Variants in MRPL19 observed in about 807,000 individuals in gnomAD.
MRPL19 encodes the protein large ribosomal subunit protein bL19m.
MRPL19 carries 31 observed loss-of-function variants against 34.0 expected under a neutral mutation model. That is an observed-to-expected ratio of 0.91 (90% CI 0.68 to 1.23). The LOEUF (loss-of-function observed/expected upper bound fraction) is 1.23, where lower values mean the gene tolerates loss of function less well. Ranked by LOEUF, MRPL19 falls within the 50% of genes most tolerant of loss-of-function variation. The pLI is 0.00. For missense variants in MRPL19, 384 were observed against 367.6 expected (o/e 1.04, Z -0.37); for synonymous variants, 152 against 127.7 (o/e 1.19, Z -1.28).
At chr2:75,651,436 C>T (rs1032072696) in intron 2 of MRPL19, 1 of 536,858 alleles carries the variant, frequency 1.9e-6, no homozygotes, top group East Asian at 5.4e-5. Context: ...GTCCTCTGGA[C>T]TCATCATTGC....
At position 75,652,219 on chromosome 2, in the gene MRPL19, T is replaced by C; in HGVS notation, c.299T>C (p.Leu100Ser). Residue 100 changes from leucine to serine, a missense_variant, in exon 3 of 6, where the codon TTA (leucine) becomes TCA (serine). Leu to Ser is a moderately radical substitution (Grantham distance 145, BLOSUM62 -2). Coordinates refer to ENST00000393909, the MANE Select transcript of MRPL19 (RefSeq NM_014763.4). The stretch of plus-strand genomic sequence containing the variant: ...TTTCAAATAGAAAGAAAAGATATGT[T>C]AGAAAGGAGAAAAGTACTCCACATT... ...LKFQIERKDMLERRKVLHIPE... is the reference protein window; with the variant it reads ...LKFQIERKDMSERRKVLHIPE... 6.2e-7 allele frequency: 1 copy of C among 1,603,380 alleles called. No individual in the cohort carries two copies. Among genetic ancestry groups the C allele is most frequent in the Non-Finnish European group, 8.5e-7 (1 of 1,173,356 alleles).
chr2:75,656,191 A>G lies in MRPL19; in HGVS notation c.*906A>G, dbSNP rs953088526. On this transcript the variant is annotated 3_prime_UTR_variant, in exon 6 of 6. Transcript: ENST00000393909. ...AAACTCTGTATCTTAGGATTAGGTT[A>G]AAACAATACCTTTGGTATGATATGA... is the stretch of plus-strand genomic sequence containing the variant. The G allele has an allele frequency of 6.6e-6, 1 of 152,232 alleles. No homozygotes were observed. Among genetic ancestry groups the G allele is most frequent in the Non-Finnish European group, 1.5e-5 (1 of 68,036 alleles). The allele number at this position is 152,232 out of a possible 1,614,324, so 9.4% of individuals were successfully genotyped here.
At position 75,655,355 on chromosome 2, in the gene MRPL19, T is replaced by C. The variant is rs1040664152; in HGVS notation, c.*70T>C. On this transcript the variant is annotated 3_prime_UTR_variant, in exon 6 of 6. Coordinates refer to ENST00000393909, the MANE Select transcript of MRPL19 (RefSeq NM_014763.4). ...AAGAGGATATATTTTGAGACCAATT[T>C]AATTTCATTTATAAGAACATAGTAA... is the stretch of plus-strand genomic sequence containing the variant. The C allele has an allele frequency of 1.0e-5, 11 of 1,092,696 alleles. No homozygotes were observed. Among genetic ancestry groups the C allele is most frequent in the Non-Finnish European group, 1.5e-5 (11 of 748,878 alleles). The allele number at this position is 1,092,696 out of a possible 1,614,324, so 67.7% of individuals were successfully genotyped here.
chr2:75,654,683 A>G lies in MRPL19; in HGVS notation c.476-53A>G. 3.3e-6 allele frequency: 5 copies of G among 1,534,282 alleles called. No individual in the cohort carries two copies. In the South Asian group the frequency reaches 6.0e-5, roughly 19 times the overall value. On this transcript the variant is annotated intron_variant, in intron 4 of 5. Transcript: ENST00000393909. ...AAATGCTTTTACTGCAGTATGAAAC[A>G]TGTATAGGAACGTGGACTTAGATTG...
Position 75,655,516 on chromosome 2 carries a change from T to C in MRPL19, c.*231T>C. 1 of 403,438 alleles carries C rather than the reference T, an allele frequency of 2.5e-6. No individual in the cohort carries two copies. The highest frequency in any genetic ancestry group is 4.4e-6 in the Non-Finnish European group (1 of 227,292). The allele number at this position is 403,438 out of a possible 1,614,324, so 25.0% of individuals were successfully genotyped here. A position where few individuals can be genotyped will look rare whatever the true frequency, so the allele number is the denominator to read the frequency against. On this transcript the variant is annotated 3_prime_UTR_variant, in exon 6 of 6. Coordinates refer to ENST00000393909, the MANE Select transcript of MRPL19 (RefSeq NM_014763.4). Reference sequence around the variant, plus strand: ...TCCATTTGCTTATTGGAGGCAAAGCTACAATAGAAGTCAGAGCATCACCAG... The same window carrying C: ...TCCATTTGCTTATTGGAGGCAAAGCCACAATAGAAGTCAGAGCATCACCAG...
At chr2:75,649,323 C>T (rs1678282584) in intron 2 of MRPL19, among the ~76,000 whole-genome samples, 2 of 152,142 alleles carry the variant, frequency 1.3e-5, no homozygotes, top group African/African-American at 4.8e-5. Context: ...TGTATTAGAC[C>T]AAGCTTGTCC....
In MRPL19 at chr2:75,658,462, T is replaced by C. The variant is rs1026285107; in HGVS notation, c.*3177T>C. Among the ~76,000 whole-genome samples, 1 of 152,200 alleles carries C rather than the reference T, an allele frequency of 6.6e-6. No individual in the cohort carries two copies. The highest frequency in any genetic ancestry group is 2.4e-5 in the African/African-American group (1 of 41,456). On this transcript the variant is annotated 3_prime_UTR_variant, in exon 6 of 6. Transcript: ENST00000393909. ...ATTGTGAATAATGCTGCAGTAAACA[T>C]TGACATAACAAGTATGTATTTGATT...
intron 2 of MRPL19, chr2:75,647,443 G>A (rs1678248564): frequency 7.6e-6 from 4 of 523,384 alleles, no homozygotes; most frequent in Admixed American, 7.4e-5. Context: ...TTCAAGTAGG[G>A]GTTCCCCATA....
chr2:75,647,019 C>T, intron 1 of MRPL19, 83 bp from the exon 2 acceptor site: 3 of 1,483,658 alleles, frequency 2.0e-6, no homozygotes, highest in Non-Finnish European at 2.7e-6. Flanking sequence ...CCCCGTGGGA[C>T]GCCGGGTTGG....
rs561498903 is a variant in MRPL19 at position 75,661,672 on chromosome 2, T to C, written c.*6387T>C. 6.6e-6 allele frequency: 1 copy of C among 152,316 alleles called. No individual in the cohort carries two copies. The highest frequency in any genetic ancestry group is 2.1e-4 in the South Asian group (1 of 4,830). The allele number at this position is 152,316 out of a possible 1,614,324, so 9.4% of individuals were successfully genotyped here. On this transcript the variant is annotated 3_prime_UTR_variant, in exon 6 of 6. Coordinates refer to ENST00000393909, the MANE Select transcript of MRPL19 (RefSeq NM_014763.4). ...TAGGCTCCTCATTAGAAGGCTCCTA[T>C]GTGCCGATGCTGTACAAGACATTTC...
chr2:75,658,888 C>T lies in MRPL19; in HGVS notation c.*3603C>T, dbSNP rs146624927. On this transcript the variant is annotated 3_prime_UTR_variant, in exon 6 of 6. Coordinates refer to ENST00000393909, the MANE Select transcript of MRPL19 (RefSeq NM_014763.4). The stretch of plus-strand genomic sequence containing the variant: ...ACAGAGTATCTTTTTCTATGTGTTC[C>T]ATGTATTTGTGTCTTTGGAGCTATA... 2.0e-5 allele frequency among the ~76,000 whole-genome samples: 3 copies of T among 151,886 alleles called. 1 individual carries two copies. In the East Asian group the frequency reaches 5.8e-4, roughly 29 times the overall value.
Position 75,657,011 on chromosome 2 carries a change from G to A in MRPL19, c.*1726G>A, listed in dbSNP as rs1678469852. The stretch of plus-strand genomic sequence containing the variant: ...TAAGACCCCTTCTTGATTTGTAGAA[G>A]TTCCTTTTCTTACAACCAAAAAGCC... On this transcript the variant is annotated 3_prime_UTR_variant, in exon 6 of 6. Coordinates refer to ENST00000393909, the MANE Select transcript of MRPL19 (RefSeq NM_014763.4). 1 of 151,896 alleles carries A rather than the reference G, an allele frequency of 6.6e-6. No individual in the cohort carries two copies. The highest frequency in any genetic ancestry group is 6.6e-5 in the Admixed American group (1 of 15,240). 9.4% of individuals were successfully genotyped at this position (151,896 alleles called of 1,614,324 possible).
At chr2:75,649,039 G>A (rs1446392303) in intron 2 of MRPL19, among the ~76,000 whole-genome samples, 1 of 152,144 alleles carries the variant, frequency 6.6e-6, no homozygotes, top group Non-Finnish European at 1.5e-5. Context: ...TGATGTGACA[G>A]AATAAGTTGT....
Position 75,659,974 on chromosome 2 carries a change from C to T in MRPL19, c.*4689C>T, listed in dbSNP as rs902326808. On this transcript the variant is annotated 3_prime_UTR_variant, in exon 6 of 6. Coordinates refer to ENST00000393909, the MANE Select transcript of MRPL19 (RefSeq NM_014763.4). ...ATTTTTTTCACTGCTTCTTTCTTTT[C>T]CTTCTGAAATATTCTTAATGTATAT... Among the ~76,000 whole-genome samples the T allele has an allele frequency of 6.6e-6, 1 of 151,920 alleles. No individual in the cohort carries two copies. The highest frequency in any genetic ancestry group is 1.5e-5 in the Non-Finnish European group (1 of 67,954).
intron 4 of MRPL19, among the ~76,000 whole-genome samples, chr2:75,654,119 A>C (rs1457939131): frequency 6.6e-6 from 1 of 152,162 alleles, no homozygotes; most frequent in Non-Finnish European, 1.5e-5. Context: ...TGGGAAATCT[A>C]AGTTCAAGGT....
In MRPL19 at chr2:75,661,564, T is replaced by C. The variant is rs1014578046; in HGVS notation, c.*6279T>C. ...GATGGGAAATAAATCCCTGAGCCTT[T>C]TGAATAACTCAGAGAGATCAAAAAC... is the stretch of plus-strand genomic sequence containing the variant. On this transcript the variant is annotated 3_prime_UTR_variant, in exon 6 of 6. Coordinates refer to ENST00000393909, the MANE Select transcript of MRPL19 (RefSeq NM_014763.4). 6 of 152,320 alleles carry C rather than the reference T, an allele frequency of 3.9e-5. No individual in the cohort carries two copies. The highest frequency in any genetic ancestry group is 2.1e-4 in the South Asian group (1 of 4,826). 9.4% of individuals were successfully genotyped at this position (152,320 alleles called of 1,614,324 possible). A position where few individuals can be genotyped will look rare whatever the true frequency, so the allele number is the denominator to read the frequency against.
rs1267668299 is a variant in MRPL19 at position 75,657,499 on chromosome 2, C to T, written c.*2214C>T. Reference sequence around the variant, plus strand: ...AACAAGTAATAGATATCCTATCCTTCACTTGTTTAGATTATTTGCTGAGAT... The same window carrying T: ...AACAAGTAATAGATATCCTATCCTTTACTTGTTTAGATTATTTGCTGAGAT... On this transcript the variant is annotated 3_prime_UTR_variant, in exon 6 of 6. Coordinates refer to ENST00000393909, the MANE Select transcript of MRPL19 (RefSeq NM_014763.4). The T allele has an allele frequency of 6.6e-6, 1 of 152,150 alleles. No homozygotes were observed. The highest frequency in any genetic ancestry group is 1.5e-5 in the Non-Finnish European group (1 of 68,018). The allele number at this position is 152,150 out of a possible 1,614,324, so 9.4% of individuals were successfully genotyped here.
At chr2:75,654,685 G>C (rs753795885) in intron 4 of MRPL19, 51 bp from the exon 5 acceptor site, 1 of 1,558,022 alleles carries the variant, frequency 6.4e-7, no homozygotes, top group East Asian at 2.3e-5. Flanking sequence ...TATGAAACAT[G>C]TATAGGAACG....
At position 75,655,030 on chromosome 2, in the gene MRPL19, CTTTT is replaced by C. The variant is rs35367062; in HGVS notation, c.658-16_658-13del. 8,090 of 1,147,406 alleles carry C rather than the reference CTTTT, an allele frequency of 7.1e-3. 2 individuals are homozygous for C. The highest frequency in any genetic ancestry group is 8.0e-3 in the Non-Finnish European group (6,874 of 854,570). 71.1% of individuals were successfully genotyped at this position (1,147,406 alleles called of 1,614,324 possible). On this transcript the variant is annotated intron_variant, in intron 5 of 5. Transcript: ENST00000393909. ...CTCATGCCTATCAGCCTAATTATTG[CTTTT>C]TTTTTTTTTTTTTTTTTAATCTTCC...
Sources: gnomAD v4.1 joint callset for allele counts (sites outside exome capture counted in the v4.1 genomes callset) on GRCh38, gnomAD v4.1.1 for gene constraint, MANE v1.5 for transcripts, NCBI Gene and HGNC (gene_info 2026-07-23, HGNC 2026-07-21) for gene names.